FBXO47: variants seen among roughly 807,000 people sequenced by gnomAD.
FBXO47 encodes the protein F-box protein 47, also known as F-box only protein 47.
FBXO47 carries 34 observed loss-of-function variants against 53.9 expected under a neutral mutation model. That is an observed-to-expected ratio of 0.63 (90% CI 0.48 to 0.84). The LOEUF (loss-of-function observed/expected upper bound fraction) is 0.84, where lower values mean the gene tolerates loss of function less well. Among genes scored for constraint, FBXO47 ranks in the 40% least tolerant of loss-of-function variants. The pLI is 0.00. For missense variants in FBXO47, 485 were observed against 541.3 expected (o/e 0.90, Z 1.03); for synonymous variants, 165 against 181.6 (o/e 0.91, Z 0.73).
intron 6 of FBXO47, among the ~76,000 whole-genome samples, chr17:38,945,796 A>T (rs144433361): frequency 6.6e-6 from 1 of 150,790 alleles, no homozygotes; most frequent in African/African-American, 2.4e-5. Context: ...ATAAGCCGGG[A>T]GTGATGGCGG....
chr17:38,947,051 A>G (rs1171766319), intron 6 of FBXO47, among the ~76,000 whole-genome samples: 1 of 133,648 alleles, frequency 7.5e-6, no homozygotes, highest in Non-Finnish European at 1.5e-5. Context: ...AATATATAAA[A>G]ACATATATAA....
intron 1 of FBXO47, among the ~76,000 whole-genome samples, chr17:38,963,917 C>T (rs748601415): frequency 1.5e-4 from 23 of 150,634 alleles, no homozygotes; most frequent in Non-Finnish European, 2.8e-4. Context: ...CTGCCTCAGC[C>T]TCCTGAGTAG....
intron 3 of FBXO47, among the ~76,000 whole-genome samples, chr17:38,959,599 A>AAG (rs1905723389): frequency 6.7e-6 from 1 of 150,042 alleles, no homozygotes; most frequent in Admixed American, 6.7e-5. Context: ...AAAAAAAAAA[A>AAG]AAAAGAAAAT....
Position 38,936,862 on chromosome 17 carries a change from G to A in FBXO47, c.*313C>T. 1 of 206,068 alleles carries A rather than the reference G, an allele frequency of 4.9e-6. No homozygotes were observed. Among genetic ancestry groups the A allele is most frequent in the Non-Finnish European group, 9.6e-6 (1 of 104,284 alleles). The allele number at this position is 206,068 out of a possible 1,614,324, so 12.8% of individuals were successfully genotyped here. On this transcript the variant is annotated 3_prime_UTR_variant, in exon 11 of 11. Coordinates refer to ENST00000378079, the MANE Select transcript of FBXO47 (RefSeq NM_001008777.3). ...TGGAATTTTCTCTTGCTTCAAAAATGCATACATACAGGTTGGCTGGTCCCA... is the reference window on the plus strand; with the variant it reads ...TGGAATTTTCTCTTGCTTCAAAAATACATACATACAGGTTGGCTGGTCCCA...
rs987991398 is a variant in FBXO47 at position 38,936,497 on chromosome 17, G to A, written c.*678C>T. On this transcript the variant is annotated 3_prime_UTR_variant, in exon 11 of 11. Transcript: ENST00000378079. ...TTTATTTGAATCCCCAGTAAAAGAT[G>A]ATTTGATTGCATTGAGACAATATAT... 6.6e-6 allele frequency: 1 copy of A among 152,010 alleles called. No individual in the cohort carries two copies. Among genetic ancestry groups the A allele is most frequent in the Non-Finnish European group, 1.5e-5 (1 of 68,006 alleles). 9.4% of individuals were successfully genotyped at this position (152,010 alleles called of 1,614,324 possible).
Position 38,945,080 on chromosome 17 carries a change from C to A in FBXO47, c.673G>T (p.Asp225Tyr). Residue 225 changes from aspartate (D) to tyrosine (Y), a missense_variant, in exon 7 of 11, where the codon GAT (aspartate) becomes TAT (tyrosine). Physicochemically the swap from Asp to Tyr is radical, Grantham distance 160. Transcript: ENST00000378079. The part of the protein sequence containing the change: ...IRLFCRNVLL[D>Y]HWTHRSDSAF... ...GAATCACTTCGATGTGTCCAATGATCAAGGAGGACATTCCTACAGAAGAGT... is the reference window on the plus strand; with the variant it reads ...GAATCACTTCGATGTGTCCAATGATAAAGGAGGACATTCCTACAGAAGAGT... 6.2e-7 allele frequency: 1 copy of A among 1,613,802 alleles called. No individual in the cohort carries two copies. The highest frequency in any genetic ancestry group is 8.5e-7 in the Non-Finnish European group (1 of 1,179,806).
chr17:38,945,095 T>C lies in FBXO47; in HGVS notation c.658A>G (p.Arg220Gly). Residue 220 changes from arginine to glycine, a missense_variant, in exon 7 of 11, where the codon AGG (arginine) becomes GGG (glycine). Arg to Gly is a moderately radical substitution (Grantham distance 125, BLOSUM62 -2). Coordinates refer to ENST00000378079, the MANE Select transcript of FBXO47 (RefSeq NM_001008777.3). ...KLELRIRLFC[R>G]NVLLDHWTHR... ...GTCCAATGATCAAGGAGGACATTCC[T>C]ACAGAAGAGTCTGATTCTTAACTCC... The C allele has an allele frequency of 6.2e-7, 1 of 1,613,706 alleles. No individual in the cohort carries two copies. The highest frequency in any genetic ancestry group is 8.5e-7 in the Non-Finnish European group (1 of 1,179,696).
intron 1 of FBXO47, among the ~76,000 whole-genome samples, chr17:38,965,709 TA>T (rs71141742): frequency 0.052 from 3,173 of 61,562 alleles, 164 homozygotes; most frequent in African/African-American, 0.18. Context: ...CCTTCTCTAC[TA>T]AAAAAAAAAA....
chr17:38,938,725 T>C lies in FBXO47; in HGVS notation c.1091A>G (p.Glu364Gly). ...CCAATCCATGCAGTACAGTTCTTTCTCACACACCTGATTTAGACATATAAA... is the reference window on the plus strand; with the variant it reads ...CCAATCCATGCAGTACAGTTCTTTCCCACACACCTGATTTAGACATATAAA... ...RLVVFLALVC[E>G]KELYCMDWTV... The change falls in exon 10 of 11, where the codon GAG (glutamate) becomes GGG (glycine). Residue 364 changes from glutamate (E) to glycine (G), a missense_variant. By Grantham distance (98) the Glu-to-Gly change is moderately conservative. Coordinates refer to ENST00000378079, the MANE Select transcript of FBXO47 (RefSeq NM_001008777.3). 1 of 1,585,732 alleles carries C rather than the reference T, an allele frequency of 6.3e-7. No homozygotes were observed. The highest frequency in any genetic ancestry group is 8.6e-7 in the Non-Finnish European group (1 of 1,158,562).
chr17:38,956,741 A>T (rs1221448592), intron 4 of FBXO47, among the ~76,000 whole-genome samples: 1 of 152,190 alleles, frequency 6.6e-6, no homozygotes, highest in Non-Finnish European at 1.5e-5. Flanking sequence ...ATTAATACAC[A>T]TTTCCAAGTC....
intron 3 of FBXO47, 96 bp from the exon 4 acceptor site, chr17:38,957,349 A>G (rs1232516343): frequency 3.7e-6 from 3 of 807,678 alleles, no homozygotes; most frequent in East Asian, 4.9e-5. Context: ...CAAGTATGGT[A>G]TATCACAGTG....
intron 9 of FBXO47, among the ~76,000 whole-genome samples, chr17:38,942,484 C>T (rs1227330299): frequency 6.6e-6 from 1 of 152,096 alleles, no homozygotes; most frequent in Non-Finnish European, 1.5e-5. Context: ...GTCCCAGCTA[C>T]TCAGGAGGCT....
intron 9 of FBXO47, 101 bp from the exon 10 acceptor site, chr17:38,938,833 A>T (rs1904367679): frequency 4.5e-6 from 4 of 898,454 alleles, no homozygotes. Context: ...GTGATTTTAC[A>T]TAATTTATGA....
Position 38,945,072 on chromosome 17 carries a change from C to A in FBXO47, c.681G>T (p.Trp227Cys). Residue 227 changes from tryptophan (W) to cysteine (C), a missense_variant, in exon 7 of 11, where the codon TGG (tryptophan) becomes TGT (cysteine). Trp to Cys is a radical substitution (Grantham distance 215). Coordinates refer to ENST00000378079, the MANE Select transcript of FBXO47 (RefSeq NM_001008777.3). ...AAAAAGCAGAATCACTTCGATGTGT[C>A]CAATGATCAAGGAGGACATTCCTAC... is the stretch of plus-strand genomic sequence containing the variant. Reference protein sequence around the residue: ...LFCRNVLLDHWTHRSDSAFWL... With the variant: ...LFCRNVLLDHCTHRSDSAFWL... 1 of 1,613,948 alleles carries A rather than the reference C, an allele frequency of 6.2e-7. No homozygotes were observed. Among genetic ancestry groups the A allele is most frequent in the Non-Finnish European group, 8.5e-7 (1 of 1,179,894 alleles).
At chr17:38,942,342 C>A (rs1180550200) in intron 9 of FBXO47, among the ~76,000 whole-genome samples, 1 of 152,076 alleles carries the variant, frequency 6.6e-6, no homozygotes, top group Non-Finnish European at 1.5e-5. Flanking sequence ...CACCTGTAAT[C>A]CCAGCACTTT....
chr17:38,937,355 T>C lies in FBXO47; in HGVS notation c.1244-65A>G, dbSNP rs918941664. On this transcript the variant is annotated intron_variant, in intron 10 of 10. Transcript: ENST00000378079. ...AAAATGTTAAGTATATAATTTATTT[T>C]ATTAATTAATTTAATTTTTGAGACA... 7 of 554,346 alleles carry C rather than the reference T, an allele frequency of 1.3e-5. No homozygotes were observed. The African/African-American group carries it at 1.4e-4, about 11-fold the overall frequency. The allele number at this position is 554,346 out of a possible 1,614,324, so 34.3% of individuals were successfully genotyped here.
rs1904583671 is a variant in FBXO47 at position 38,943,066 on chromosome 17, A to G, written c.941-146T>C. 3 of 714,346 alleles carry G rather than the reference A, an allele frequency of 4.2e-6. No homozygotes were observed. In the South Asian group the frequency reaches 6.1e-5, roughly 15 times the overall value. The allele number at this position is 714,346 out of a possible 1,614,324, so 44.3% of individuals were successfully genotyped here. ...TCAGAAAAAAATGCTCTAGTTTTCC[A>G]ATTATGGCATTCAGTCAGAGACAGG... On this transcript the variant is annotated intron_variant, in intron 8 of 10. Transcript: ENST00000378079.
At chr17:38,962,155 CCAT>C (rs772528795) in intron 2 of FBXO47, 108 bp from the exon 3 acceptor site, 8 of 857,414 alleles carry the variant, frequency 9.3e-6, no homozygotes, top group Non-Finnish European at 1.4e-5. Flanking sequence ...ATCATTATCA[CCAT>C]CATCATCCCT....
Position 38,936,561 on chromosome 17 carries a change from AAAG to A in FBXO47, c.*611_*613del, listed in dbSNP as rs748425756. The A allele has an allele frequency of 6.6e-6, 1 of 151,888 alleles. No individual in the cohort carries two copies. The highest frequency in any genetic ancestry group is 2.4e-5 in the African/African-American group (1 of 41,372). 9.4% of individuals were successfully genotyped at this position (151,888 alleles called of 1,614,324 possible). On this transcript the variant is annotated 3_prime_UTR_variant, in exon 11 of 11. Transcript: ENST00000378079. ...TATAGACCTTTTGTATGATTACCTT[AAAG>A]AAGGAAATATATGTCTGTGTGTGTG...
Sources: allele counts gnomAD v4.1 joint callset (sites outside exome capture counted in the v4.1 genomes callset), GRCh38; gene constraint gnomAD v4.1.1; transcripts MANE v1.5; gene names NCBI Gene and HGNC (gene_info 2026-07-23, HGNC 2026-07-21).